LIPC: variants seen among roughly 807,000 people sequenced by gnomAD.
The protein encoded by LIPC is lipase C, hepatic type, also known as hepatic triacylglycerol lipase.
In LIPC, 44 loss-of-function variants were observed where a neutral mutation model predicts 50.7. That is an observed-to-expected ratio of 0.87 (90% CI 0.68 to 1.11). The LOEUF (loss-of-function observed/expected upper bound fraction) is 1.11, where lower values mean the gene tolerates loss of function less well. Among genes scored for constraint, LIPC ranks in the 50% most tolerant of loss-of-function variants. The pLI is 0.00. For synonymous variants in LIPC, 271 were observed against 256.4 expected (o/e 1.06, Z -0.54); for missense variants, 697 against 648.2 (o/e 1.08, Z -0.82).
chr15:58,442,414 C>A (rs1048144790), intron 1 of LIPC, among the ~76,000 whole-genome samples: 1 of 152,210 alleles, frequency 6.6e-6, no homozygotes, highest in Non-Finnish European at 1.5e-5. Flanking sequence ...GAACAGCCCA[C>A]GCAGTCAATG....
At chr15:58,567,339 GTATATGTATATATA>G (rs1894420063) in intron 8 of LIPC, among the ~76,000 whole-genome samples, 1 of 17,440 alleles carries the variant, frequency 5.7e-5, no homozygotes, top group Non-Finnish European at 1.2e-4. Context: ...ATATATATAT[GTATATGTATATATA>G]TATATGTATA....
At chr15:58,479,408 C>T (rs537445536) in intron 1 of LIPC, among the ~76,000 whole-genome samples, 20 of 152,286 alleles carry the variant, frequency 1.3e-4, no homozygotes, top group South Asian at 8.3e-4. Flanking sequence ...CTAATAAATA[C>T]CTTTGATTGT....
At chr15:58,499,748 G>C (rs1427867102) in intron 1 of LIPC, among the ~76,000 whole-genome samples, 4 of 152,160 alleles carry the variant, frequency 2.6e-5, no homozygotes, top group African/African-American at 9.7e-5. Flanking sequence ...CTGTCTTCTT[G>C]CTAAACAAGT....
At chr15:58,436,628 G>A (rs1451987217) in intron 1 of LIPC, 1 of 430,300 alleles carries the variant, frequency 2.3e-6, no homozygotes. Flanking sequence ...TCCGTTCTGT[G>A]TGTCAAATAC....
chr15:58,471,290 CCATGCCTAG>C (rs1407973604), intron 1 of LIPC, among the ~76,000 whole-genome samples: 1 of 144,092 alleles, frequency 6.9e-6, no homozygotes, highest in African/African-American at 2.6e-5. Flanking sequence ...GCACTCGCCA[CCATGCCTAG>C]CTAATTTTTT....
At chr15:58,564,111 G>A (rs2140957718) in intron 8 of LIPC, 1 of 286,250 alleles carries the variant, frequency 3.5e-6, no homozygotes, top group South Asian at 3.8e-5. Flanking sequence ...TTTGCCCAAA[G>A]AAAATCTTTT....
rs1161161625 is a variant in LIPC at position 58,569,559 on chromosome 15, C to G, written c.*732C>G. On this transcript the variant is annotated 3_prime_UTR_variant, in exon 9 of 9. Coordinates refer to ENST00000299022, the MANE Select transcript of LIPC (RefSeq NM_000236.3). Reference sequence around the variant, plus strand: ...TATGGACTGAATGTTTGAGTCACCCCAAAATTCATATGCTGAAATCTAATC... The same window carrying G: ...TATGGACTGAATGTTTGAGTCACCCGAAAATTCATATGCTGAAATCTAATC... 2 of 152,162 alleles carry G rather than the reference C, an allele frequency of 1.3e-5. No individual in the cohort carries two copies. The highest frequency in any genetic ancestry group is 2.9e-5 in the Non-Finnish European group (2 of 68,040). The allele number at this position is 152,162 out of a possible 1,614,324, so 9.4% of individuals were successfully genotyped here.
intron 5 of LIPC, 25 bp downstream of exon 5, chr15:58,546,000 A>T: frequency 2.6e-6 from 4 of 1,540,834 alleles, no homozygotes; most frequent in Non-Finnish European, 3.6e-6. Flanking sequence ...ATGGGCCGGG[A>T]GCACCGGCCT....
At chr15:58,513,881 C>G (rs1435007415) in intron 1 of LIPC, among the ~76,000 whole-genome samples, 1 of 152,166 alleles carries the variant, frequency 6.6e-6, no homozygotes, top group African/African-American at 2.4e-5. Flanking sequence ...GTTTCCAAAC[C>G]TCGGGGCCAT....
intron 1 of LIPC, among the ~76,000 whole-genome samples, chr15:58,503,085 T>C (rs1171696683): frequency 3.3e-5 from 5 of 152,148 alleles, no homozygotes; most frequent in Non-Finnish European, 7.4e-5. Flanking sequence ...TTTATCTCCA[T>C]AATAACTGAG....
chr15:58,433,447 T>C (rs1213471547), intron 1 of LIPC, among the ~76,000 whole-genome samples: 1 of 152,242 alleles, frequency 6.6e-6, no homozygotes, highest in Non-Finnish European at 1.5e-5. Flanking sequence ...TTTTCATTAA[T>C]AGAAACACAT....
chr15:58,527,234 G>A (rs1384026773), intron 1 of LIPC, among the ~76,000 whole-genome samples: 1 of 152,168 alleles, frequency 6.6e-6, no homozygotes, highest in East Asian at 1.9e-4. Flanking sequence ...TGTGGGCCTT[G>A]GCAGTCACTG....
rs17190636 is a variant in LIPC, at chr15:58,544,034, T to C, written c.574+1383T>C. Among the ~76,000 whole-genome samples the C allele has an allele frequency of 7.0e-3, 1,071 of 152,366 alleles. 4 individuals carry two copies. Among genetic ancestry groups the C allele is most frequent in the Middle Eastern group, 0.02 (6 of 294 alleles). The stretch of plus-strand genomic sequence containing the variant: ...TGGCAGACGTTTCAACAGAATACAC[T>C]TGTGATTATGACAGCTCATTTCCTC... On this transcript the variant is annotated intron_variant, in intron 4 of 8. Transcript: ENST00000299022.
intron 1 of LIPC, 95 bp downstream of exon 1, chr15:58,432,215 G>A (rs575302079): frequency 1.0e-6 from 1 of 968,006 alleles, no homozygotes; most frequent in Non-Finnish European, 1.7e-6. Flanking sequence ...GTATGGGACA[G>A]AGCTTGCTTC....
intron 6 of LIPC, among the ~76,000 whole-genome samples, chr15:58,553,276 G>A (rs956127282): frequency 6.6e-6 from 1 of 152,148 alleles, no homozygotes; most frequent in South Asian, 2.1e-4. Context: ...TCCACCGCTC[G>A]CAGGCAGCAA....
In LIPC at chr15:58,527,075, G is replaced by A. The variant is rs945144728; in HGVS notation, c.89-11258G>A. On this transcript the variant is annotated intron_variant, in intron 1 of 8. Transcript: ENST00000299022. ...AAGTGGGCAGGCAGCAGTCAGCTGG[G>A]CCTCCAGATATGGGTGGTGAAGGGA... 3.9e-5 allele frequency among the ~76,000 whole-genome samples: 6 copies of A among 152,206 alleles called. No individual in the cohort carries two copies. The East Asian group carries it at 9.6e-4, about 24-fold the overall frequency.
At chr15:58,561,981 T>G (rs1894180295) in intron 7 of LIPC, among the ~76,000 whole-genome samples, 1 of 152,220 alleles carries the variant, frequency 6.6e-6, no homozygotes, top group Non-Finnish European at 1.5e-5. Context: ...TTACATGGGC[T>G]TGAGCATTTA....
rs761973871 is a variant in LIPC at position 58,548,443 on chromosome 15, T to C, written c.922T>C (p.Phe308Leu). 4 of 1,613,940 alleles carry C rather than the reference T, an allele frequency of 2.5e-6. No homozygotes were observed. The South Asian group carries it at 4.4e-5, about 18-fold the overall frequency. The part of the protein sequence containing the change: ...MAYPCGDMNS[F>L]SQGLCLSCKK... ...CTACCCGTGTGGTGACATGAACAGC[T>C]TCAGCCAGGGCCTGTGCCTGAGCTG... Residue 308 changes from phenylalanine (F) to leucine (L), a missense_variant, in exon 6 of 9, where the codon TTC becomes CTC. Physicochemically the swap from Phe to Leu is conservative, Grantham distance 22. Transcript: ENST00000299022.
intron 1 of LIPC, among the ~76,000 whole-genome samples, chr15:58,518,715 A>T (rs1457486801): frequency 6.6e-6 from 1 of 152,198 alleles, no homozygotes; most frequent in East Asian, 1.9e-4. Context: ...CCAGGCCCAA[A>T]AGAGCATCTA....
Sources: gnomAD v4.1 joint callset for allele counts (sites outside exome capture counted in the v4.1 genomes callset) on GRCh38, gnomAD v4.1.1 for gene constraint, MANE v1.5 for transcripts, NCBI Gene and HGNC (gene_info 2026-07-23, HGNC 2026-07-21) for gene names.